ATP10D: variants seen among roughly 807,000 people sequenced by gnomAD.
ATP10D encodes the protein ATPase phospholipid transporting 10D (putative), also known as phospholipid-transporting ATPase VD.
In ATP10D, 89 loss-of-function variants were observed where a neutral mutation model predicts 144.8. The observed-to-expected ratio is 0.61, with a 90% CI of 0.52 to 0.73. ATP10D has a LOEUF of 0.73. Ranked by LOEUF, ATP10D falls within the 30% of genes least tolerant of loss-of-function variation. ATP10D has a pLI of 0.00. For synonymous variants in ATP10D, 571 were observed against 615.1 expected (o/e 0.93, Z 1.06); for missense variants, 1,603 against 1,714.8 (o/e 0.93, Z 1.15).
At position 47,591,114 on chromosome 4, in the gene ATP10D, A is replaced by G. The variant is rs144722519; in HGVS notation, c.4014A>G (p.Leu1338=). The G allele has an allele frequency of 1.9e-4, 303 of 1,613,346 alleles. 1 individual carries two copies. In the African/African-American group the frequency reaches 3.6e-3, roughly 19 times the overall value. Residue 1338 remains leucine, a synonymous_variant, in exon 23 of 23, where the codon CTA becomes CTG. Coordinates refer to ENST00000273859, the MANE Select transcript of ATP10D (RefSeq NM_020453.4). ...TGAGAGCTAAGCACTTTGACAGACT[A>G]ACTCCAGAGGAGAGGACTAAAGCTC... ...PILRAKHFDR[L]TPEERTKALK...
chr4:47,496,910 C>T (rs1349518706), intron 1 of ATP10D, among the ~76,000 whole-genome samples: 3 of 151,768 alleles, frequency 2.0e-5, no homozygotes, highest in Non-Finnish European at 2.9e-5. Context: ...GGTGTGATCT[C>T]GGCTCACTGT....
rs1168641891 is a variant in ATP10D, at chr4:47,512,540, T to A, written c.-1T>A. 2 of 1,609,826 alleles carry A rather than the reference T, an allele frequency of 1.2e-6. No individual in the cohort carries two copies. Among genetic ancestry groups the A allele is most frequent in the Admixed American group, 1.7e-5 (1 of 59,788 alleles). ...AACCTGGATCTTACCACAGTTTGGATATGACTGAGGCTCTCCAATGGGCCA... is the reference window on the plus strand; with the variant it reads ...AACCTGGATCTTACCACAGTTTGGAAATGACTGAGGCTCTCCAATGGGCCA... On this transcript the variant is annotated 5_prime_UTR_variant, in exon 2 of 23. Transcript: ENST00000273859.
chr4:47,591,026 G>C lies in ATP10D; in HGVS notation c.3942-16G>C, dbSNP rs769724291. On this transcript the variant is annotated splice_polypyrimidine_tract_variant and intron_variant, in intron 22 of 22. Transcript: ENST00000273859. ...TTGAGATGAATTTAATTCTAATGATGTTCCTTGTCACCTAGGTTTGTATAC... is the reference window on the plus strand; with the variant it reads ...TTGAGATGAATTTAATTCTAATGATCTTCCTTGTCACCTAGGTTTGTATAC... 6.8e-7 allele frequency: 1 copy of C among 1,469,822 alleles called. No homozygotes were observed. The highest frequency in any genetic ancestry group is 9.2e-7 in the Non-Finnish European group (1 of 1,083,882). 91.0% of individuals were successfully genotyped at this position (1,469,822 alleles called of 1,614,324 possible). A position where few individuals can be genotyped will look rare whatever the true frequency, so the allele number is the denominator to read the frequency against.
rs1452782300 is a variant in ATP10D, at chr4:47,515,498, T to C, written c.313T>C (p.Phe105Leu). 3.1e-6 allele frequency: 5 copies of C among 1,612,672 alleles called. No homozygotes were observed. The highest frequency in any genetic ancestry group is 3.4e-6 in the Non-Finnish European group (4 of 1,179,324). The part of the protein sequence containing the change: ...FHRAANLYFL[F>L]LVVLNWVPLV... ...CAGAGCTGCCAATTTATATTTCCTG[T>C]TCCTAGTTGTCCTGAACTGGGTACC... Residue 105 changes from phenylalanine (F) to leucine (L), a missense_variant, in exon 3 of 23, where the codon TTC (phenylalanine) becomes CTC (leucine). By Grantham distance (22) the Phe-to-Leu change is conservative (BLOSUM62 0). Transcript: ENST00000273859.
At chr4:47,537,889 T>TA (rs1298730072) in intron 9 of ATP10D, among the ~76,000 whole-genome samples, 3 of 152,198 alleles carry the variant, frequency 2.0e-5, no homozygotes, top group Non-Finnish European at 4.4e-5. Flanking sequence ...CCTGATTGCA[T>TA]GTAATTTAGA....
rs570469207 is a variant in ATP10D, at chr4:47,584,325, A to T, written c.3753+2261A>T. Reference sequence around the variant, plus strand: ...TGTATCAATTAACTTAAATGTATAAACTCTATGAAGTCACTATCTCACTTG... The same window carrying T: ...TGTATCAATTAACTTAAATGTATAATCTCTATGAAGTCACTATCTCACTTG... On this transcript the variant is annotated intron_variant, in intron 21 of 22. Coordinates refer to ENST00000273859, the MANE Select transcript of ATP10D (RefSeq NM_020453.4). Among the ~76,000 whole-genome samples, 6 of 151,296 alleles carry T rather than the reference A, an allele frequency of 4.0e-5. No homozygotes were observed. In the East Asian group the frequency reaches 9.7e-4, roughly 25 times the overall value.
intron 21 of ATP10D, among the ~76,000 whole-genome samples, chr4:47,586,622 CTG>C (rs1720803958): frequency 6.6e-6 from 1 of 152,124 alleles, no homozygotes; most frequent in African/African-American, 2.4e-5. Flanking sequence ...ATCAACAGTA[CTG>C]TCTAACACCT....
chr4:47,572,790 A>C, intron 17 of ATP10D, 82 bp from the exon 18 acceptor site: 1 of 1,570,344 alleles, frequency 6.4e-7, no homozygotes, highest in South Asian at 1.1e-5. Context: ...TATGAGGCCT[A>C]GGGTTTCCCA....
Position 47,499,751 on chromosome 4 carries a change from G to A in ATP10D, c.-37-12753G>A, listed in dbSNP as rs144039281. Among the ~76,000 whole-genome samples the A allele has an allele frequency of 2.6e-4, 40 of 152,246 alleles. No homozygotes were observed. The East Asian group carries it at 7.3e-3, about 28-fold the overall frequency. ...GATGAAATTGTTTTGATACTTTAAA[G>A]GATAAACCTTAAACTGTCTTTAAAA... is the stretch of plus-strand genomic sequence containing the variant. On this transcript the variant is annotated intron_variant, in intron 1 of 22. Transcript: ENST00000273859.
chr4:47,585,597 A>G (rs1228090369), intron 21 of ATP10D, among the ~76,000 whole-genome samples: 1 of 151,730 alleles, frequency 6.6e-6, no homozygotes, highest in African/African-American at 2.4e-5. Context: ...CATTCTTTCT[A>G]TTTTTCTTTT....
At chr4:47,582,135 T>A in intron 21 of ATP10D, 71 bp downstream of exon 21, 2 of 1,242,216 alleles carry the variant, frequency 1.6e-6, no homozygotes, top group Non-Finnish European at 2.4e-6. Context: ...CTATTAGCAG[T>A]GACCCTGAAG....
chr4:47,523,756 G>GT (rs1489476163), intron 4 of ATP10D, among the ~76,000 whole-genome samples: 1 of 152,104 alleles, frequency 6.6e-6, no homozygotes, highest in African/African-American at 2.4e-5. Context: ...GAAAATGATG[G>GT]TATCTACTCT....
At chr4:47,557,015 A>G (rs903154426) in intron 11 of ATP10D, 1 of 152,182 alleles carries the variant, frequency 6.6e-6, no homozygotes, top group African/African-American at 2.4e-5. Context: ...TGGAAAATAA[A>G]AGAGAAAAAT....
At position 47,554,832 on chromosome 4, in the gene ATP10D, CTT is replaced by C. The variant is rs1006309067; in HGVS notation, c.1744_1745del (p.Leu582ValfsTer21). 1 of 1,614,036 alleles carries C rather than the reference CTT, an allele frequency of 6.2e-7. No homozygotes were observed. The highest frequency in any genetic ancestry group is 8.5e-7 in the Non-Finnish European group (1 of 1,180,026). On this transcript the variant is annotated frameshift_variant, in exon 11 of 23. Transcript: ENST00000273859. LOFTEE classifies it high-confidence loss of function. ...ACCATCCAAAATCCACCAATGGAAA[CTT>C]TGTACATTATCGACTTTTTCATTGC...
chr4:47,554,590 A>C (rs988714568), intron 10 of ATP10D, 136 bp from the exon 11 acceptor site: 2 of 654,444 alleles, frequency 3.1e-6, no homozygotes, highest in African/African-American at 3.7e-5. Flanking sequence ...TATACATTAC[A>C]ATTGTTTTTA....
At chr4:47,492,075 A>T (rs1023552979) in intron 1 of ATP10D, among the ~76,000 whole-genome samples, 3 of 152,216 alleles carry the variant, frequency 2.0e-5, no homozygotes, top group Admixed American at 6.5e-5. Context: ...TCCAGTATCG[A>T]TAACAATGCC....
chr4:47,573,508 T>C (rs555789571), intron 18 of ATP10D, among the ~76,000 whole-genome samples: 2 of 152,356 alleles, frequency 1.3e-5, no homozygotes, highest in African/African-American at 4.8e-5. Context: ...ACCTATAAAA[T>C]GTATTTGTGC....
chr4:47,494,085 A>C (rs1247372322), intron 1 of ATP10D, among the ~76,000 whole-genome samples: 1 of 152,202 alleles, frequency 6.6e-6, no homozygotes, highest in African/African-American at 2.4e-5. Flanking sequence ...TCAGAAACAC[A>C]ATGTTCAACA....
intron 1 of ATP10D, among the ~76,000 whole-genome samples, 167 bp downstream of exon 1, chr4:47,485,686 T>TTA (rs751049148): frequency 5.6e-5 from 8 of 142,668 alleles, no homozygotes; most frequent in Non-Finnish European, 9.4e-5. Flanking sequence ...GTTACTGAAC[T>TTA]AAAAAAAAAA....
Sources: allele counts gnomAD v4.1 joint callset (sites outside exome capture counted in the v4.1 genomes callset), GRCh38; gene constraint gnomAD v4.1.1; transcripts MANE v1.5; gene names NCBI Gene and HGNC (gene_info 2026-07-23, HGNC 2026-07-21).